Variants in ENOX1 observed in about 807,000 individuals in gnomAD.
ENOX1 encodes the protein ecto-NOX disulfide-thiol exchanger 1, also known as candidate growth-related and time keeping constitutive hydroquinone (NADH) oxidase.
A neutral mutation model predicts 82.5 loss-of-function variants in ENOX1; 42 were observed. That is an observed-to-expected ratio of 0.51 (90% CI 0.40 to 0.66). The LOEUF (loss-of-function observed/expected upper bound fraction) is 0.66. Ranked by LOEUF, ENOX1 falls within the 30% of genes least tolerant of loss-of-function variation. ENOX1 has a pLI of 0.00. For missense variants in ENOX1, 608 were observed against 811.6 expected, an observed-to-expected ratio of 0.75 and a Z score of 3.05; for synonymous variants, 271 against 282.2, an observed-to-expected ratio of 0.96 and a Z score of 0.40.
intron 1 of ENOX1, among the ~76,000 whole-genome samples, chr13:43,721,410 G>A (rs1594566076): frequency 1.2e-5 from 1 of 86,778 alleles, no homozygotes; most frequent in African/African-American, 4.6e-5. Flanking sequence ...ACGGAGTCTT[G>A]CTCTGTCGCC....
At chr13:43,273,672 C>CA (rs1356501463) in intron 12 of ENOX1, among the ~76,000 whole-genome samples, 1 of 152,196 alleles carries the variant, frequency 6.6e-6, no homozygotes, top group Non-Finnish European at 1.5e-5. Context: ...GGCTTGATTT[C>CA]ATTCCCACTT....
At chr13:43,369,943 T>C (rs917334998) in intron 5 of ENOX1, among the ~76,000 whole-genome samples, 1 of 152,254 alleles carries the variant, frequency 6.6e-6, no homozygotes, top group Non-Finnish European at 1.5e-5. Flanking sequence ...TTCCTCCCTC[T>C]GTCCAGGTAG....
At chr13:43,609,946 T>A in intron 2 of ENOX1, 1 of 977,448 alleles carries the variant, frequency 1.0e-6, no homozygotes, top group Non-Finnish European at 1.2e-6. Flanking sequence ...TAAATTAATC[T>A]TTGGTTCCAA....
intron 5 of ENOX1, among the ~76,000 whole-genome samples, chr13:43,407,520 T>C (rs2053871188): frequency 6.6e-6 from 1 of 152,202 alleles, no homozygotes; most frequent in Admixed American, 6.5e-5. Context: ...TTGCTGTACC[T>C]ATCAACCCAT....
chr13:43,747,259 T>A (rs1223328514), intron 1 of ENOX1, among the ~76,000 whole-genome samples: 2 of 152,130 alleles, frequency 1.3e-5, no homozygotes, highest in Non-Finnish European at 2.9e-5. Context: ...TATTTCTGAA[T>A]GAACAAATGA....
At chr13:43,708,353 G>A (rs1435982203) in intron 1 of ENOX1, among the ~76,000 whole-genome samples, 1 of 152,212 alleles carries the variant, frequency 6.6e-6, no homozygotes, top group Non-Finnish European at 1.5e-5. Context: ...CTGGAATCAT[G>A]CCAATGTATA....
intron 3 of ENOX1, among the ~76,000 whole-genome samples, chr13:43,478,052 AG>A (rs2058358396): frequency 1.6e-5 from 2 of 127,684 alleles, no homozygotes; most frequent in African/African-American, 3.1e-5. Context: ...GGAGCCAGAG[AG>A]GTTTTTTTTT....
chr13:43,696,122 T>A (rs2086629196), intron 1 of ENOX1, among the ~76,000 whole-genome samples: 1 of 152,244 alleles, frequency 6.6e-6, no homozygotes, highest in Non-Finnish European at 1.5e-5. Context: ...GTGTTGGTAT[T>A]TCATTCCTTT....
chr13:43,360,997 G>C (rs574601575), intron 6 of ENOX1, among the ~76,000 whole-genome samples: 1 of 152,226 alleles, frequency 6.6e-6, no homozygotes, highest in South Asian at 2.1e-4. Flanking sequence ...TGTGTTCTCC[G>C]GCAAACACTA....
rs144015629 is a variant in ENOX1 at position 43,372,996 on chromosome 13, T to G, written c.209-11544A>C. Among the ~76,000 whole-genome samples the G allele has an allele frequency of 9.8e-3, 1,487 of 152,276 alleles. 13 individuals carry two copies. The highest frequency in any genetic ancestry group is 0.024 in the Middle Eastern group (7 of 294). ...ACCCTGACAGCATTGTTCTGAGGAT[T>G]AGTGTTACGAATTAAAATATGTACA... On this transcript the variant is annotated intron_variant, in intron 5 of 16. Coordinates refer to ENST00000690772, the MANE Select transcript of ENOX1 (RefSeq NM_001347969.2).
At chr13:43,552,534 A>G (rs1180971806) in intron 2 of ENOX1, among the ~76,000 whole-genome samples, 3 of 151,510 alleles carry the variant, frequency 2.0e-5, no homozygotes, top group Non-Finnish European at 2.9e-5. Flanking sequence ...CTCCCTTTTT[A>G]TTTCTCTGCA....
At chr13:43,662,655 C>A (rs920070540) in intron 2 of ENOX1, among the ~76,000 whole-genome samples, 2 of 152,058 alleles carry the variant, frequency 1.3e-5, no homozygotes, top group Admixed American at 1.3e-4. Context: ...TTAATCAATC[C>A]CTCAGTTCTA....
At chr13:43,596,813 C>A (rs955605125) in intron 2 of ENOX1, among the ~76,000 whole-genome samples, 7 of 152,190 alleles carry the variant, frequency 4.6e-5, no homozygotes, top group Admixed American at 2.6e-4. Flanking sequence ...AGAGGTACAA[C>A]ATTCACACAA....
At chr13:43,612,119 G>A (rs2082225401) in intron 2 of ENOX1, among the ~76,000 whole-genome samples, 2 of 152,160 alleles carry the variant, frequency 1.3e-5, no homozygotes. Flanking sequence ...GGTGACTATA[G>A]GAAGGGAAGC....
At position 43,326,499 on chromosome 13, in the gene ENOX1, C is replaced by A; in HGVS notation, c.1063G>T (p.Ala355Ser). 2 of 1,614,096 alleles carry A rather than the reference C, an allele frequency of 1.2e-6. No individual in the cohort carries two copies. Among genetic ancestry groups the A allele is most frequent in the Non-Finnish European group, 1.7e-6 (2 of 1,179,970 alleles). ...QFEQIVAVFN[A>S]STRQKAWDHF... ...TCCCAAGCTTTTTGTCTGGTAGAAGCGTTGAAAACGGCCACAATCTGCTCA... is the reference window on the plus strand; with the variant it reads ...TCCCAAGCTTTTTGTCTGGTAGAAGAGTTGAAAACGGCCACAATCTGCTCA... Residue 355 changes from alanine to serine, a missense_variant, in exon 10 of 17, where the codon GCT becomes TCT. By Grantham distance (99) the Ala-to-Ser change is moderately conservative. Coordinates refer to ENST00000690772, the MANE Select transcript of ENOX1 (RefSeq NM_001347969.2).
At chr13:43,593,292 G>A (rs1368081270) in intron 2 of ENOX1, among the ~76,000 whole-genome samples, 1 of 152,018 alleles carries the variant, frequency 6.6e-6, no homozygotes, top group Non-Finnish European at 1.5e-5. Flanking sequence ...GGAACCAAAC[G>A]AATAAATGAT....
chr13:43,443,139 T>C (rs1490922576), intron 3 of ENOX1, among the ~76,000 whole-genome samples: 2 of 152,196 alleles, frequency 1.3e-5, no homozygotes, highest in South Asian at 2.1e-4. Flanking sequence ...CCTTAGTGCA[T>C]TTTAACACAT....
intron 2 of ENOX1, among the ~76,000 whole-genome samples, chr13:43,654,357 T>C (rs1440221218): frequency 6.6e-6 from 1 of 152,212 alleles, no homozygotes; most frequent in Non-Finnish European, 1.5e-5. Flanking sequence ...CCCTGCCCTG[T>C]GATTTTTGGA....
intron 1 of ENOX1, among the ~76,000 whole-genome samples, chr13:43,697,050 G>A (rs536677783): frequency 6.6e-6 from 1 of 152,272 alleles, no homozygotes; most frequent in South Asian, 2.1e-4. Flanking sequence ...TGATTTAGAA[G>A]GTGGAATACA....
Sources: allele counts gnomAD v4.1 joint callset (sites outside exome capture counted in the v4.1 genomes callset), GRCh38; gene constraint gnomAD v4.1.1; transcripts MANE v1.5; gene names NCBI Gene and HGNC (gene_info 2026-07-23, HGNC 2026-07-21).